Variants in PDE1C observed in about 807,000 individuals in gnomAD.
PDE1C encodes phosphodiesterase 1C, also known as dual specificity calcium/calmodulin-dependent 3',5'-cyclic nucleotide phosphodiesterase 1C.
PDE1C carries 62 observed loss-of-function variants against 93.1 expected under a neutral mutation model. That is an observed-to-expected ratio of 0.67 (90% confidence interval 0.54 to 0.82). PDE1C has a LOEUF of 0.82. Among genes scored for constraint, PDE1C ranks in the 40% least tolerant of loss-of-function variants. The probability of loss-of-function intolerance (pLI) is 0.00; values close to 1 mark genes in which losing one functional copy is unlikely to be tolerated. For synonymous variants in PDE1C, 325 were observed against 310.1 expected (o/e 1.05, Z -0.50); for missense variants, 742 against 884.6 (o/e 0.84, Z 2.04).
chr7:32,110,057 G>A (rs889960065), intron 3 of PDE1C, among the ~76,000 whole-genome samples: 1 of 152,098 alleles, frequency 6.6e-6, no homozygotes, highest in African/African-American at 2.4e-5. Flanking sequence ...AAGACCTCTA[G>A]CATTCCTCTA....
In PDE1C at chr7:31,753,166, G is replaced by A. The variant is rs761348442; in HGVS notation, c.*218C>T. On this transcript the variant is annotated 3_prime_UTR_variant, in exon 18 of 18. Coordinates refer to ENST00000396191, the MANE Select transcript of PDE1C (RefSeq NM_001191057.4). ...CCCCTCTTGCTAGTTTGTTGCTGGCGTCTGGGCTGATCCCACATACAGCAA... is the reference window on the plus strand; with the variant it reads ...CCCCTCTTGCTAGTTTGTTGCTGGCATCTGGGCTGATCCCACATACAGCAA... 49 of 406,494 alleles carry A rather than the reference G, an allele frequency of 1.2e-4. No individual in the cohort carries two copies. The highest frequency in any genetic ancestry group is 1.6e-4 in the African/African-American group (8 of 48,916). The allele number at this position is 406,494 out of a possible 1,614,324, so 25.2% of individuals were successfully genotyped here. A position where few individuals can be genotyped will look rare whatever the true frequency, so the allele number is the denominator to read the frequency against.
chr7:32,108,059 G>A (rs1422545471), intron 3 of PDE1C, among the ~76,000 whole-genome samples: 2 of 151,032 alleles, frequency 1.3e-5, no homozygotes, highest in Non-Finnish European at 3.0e-5. Flanking sequence ...TAAAACCAGA[G>A]AAGACAAAAA....
chr7:32,275,454 C>T (rs1811219105), intron 1 of PDE1C, among the ~76,000 whole-genome samples: 2 of 152,134 alleles, frequency 1.3e-5, no homozygotes, highest in Admixed American at 1.3e-4. Context: ...CTCTCCATGG[C>T]CTATACTTTG....
rs139652376 is a variant in PDE1C at position 31,883,527 on chromosome 7, C to T, written c.129-2667G>A. Among the ~76,000 whole-genome samples, 549 of 152,350 alleles carry T rather than the reference C, an allele frequency of 3.6e-3. 1 individual carries two copies. Among genetic ancestry groups the T allele is most frequent in the African/African-American group, 0.013 (527 of 41,584 alleles). ...TATTTCTCATACAAACACTTCCTCT[C>T]CCACTTTTACAAACTAAAAGCTAAT... On this transcript the variant is annotated intron_variant, in intron 2 of 17. Coordinates refer to ENST00000396191, the MANE Select transcript of PDE1C (RefSeq NM_001191057.4).
At chr7:31,888,203 T>C (rs548604631) in intron 2 of PDE1C, among the ~76,000 whole-genome samples, 5 of 138,920 alleles carry the variant, frequency 3.6e-5, no homozygotes, top group Admixed American at 1.6e-4. Context: ...TGAGCCGAGA[T>C]TGTGCCACTG....
exon 3 of PDE1C, chr7:32,169,868 A>G (rs1802537329): frequency 6.2e-7 from 1 of 1,612,672 alleles, no homozygotes; most frequent in Non-Finnish European, 8.5e-7. Context: ...GTCGAGGGTC[A>G]TGGACAATTG....
chr7:32,009,595 G>A (rs1394880941), intron 2 of PDE1C, among the ~76,000 whole-genome samples: 2 of 152,188 alleles, frequency 1.3e-5, no homozygotes, highest in African/African-American at 4.8e-5. Context: ...AAAGGTAAAA[G>A]ACTGAATGCT....
chr7:32,391,447 C>T (rs1464627326), intron 1 of PDE1C, among the ~76,000 whole-genome samples: 1 of 152,106 alleles, frequency 6.6e-6, no homozygotes, highest in Non-Finnish European at 1.5e-5. Flanking sequence ...AACAGCTAGA[C>T]AGAAAAGTCA....
intron 2 of PDE1C, among the ~76,000 whole-genome samples, chr7:31,951,289 T>C (rs1329838908): frequency 6.6e-6 from 1 of 152,006 alleles, no homozygotes; most frequent in Non-Finnish European, 1.5e-5. Context: ...CCTCCAGGAG[T>C]TTATCTATTA....
At chr7:31,675,468 C>T in the PDE1C span, among the ~76,000 whole-genome samples, 3 of 152,020 alleles carry the variant, frequency 2.0e-5, no homozygotes, top group Non-Finnish European at 2.9e-5. Context: ...CTGGCTTGCC[C>T]CAACATCCCC....
chr7:31,840,308 A>G (rs1791694604), intron 9 of PDE1C, among the ~76,000 whole-genome samples: 1 of 152,128 alleles, frequency 6.6e-6, no homozygotes, highest in Admixed American at 6.6e-5. Context: ...TTCTCATTTT[A>G]AAATTGAATT....
intron 1 of PDE1C, among the ~76,000 whole-genome samples, chr7:32,237,742 G>GTATATATATATATATATA (rs372356671): frequency 2.2e-3 from 68 of 31,190 alleles, no homozygotes; most frequent in African/African-American, 3.0e-3. Context: ...TTGGCTCTGT[G>GTATATATATATATATATA]TATATATATA....
chr7:32,290,725 T>G (rs1260939930), intron 1 of PDE1C, among the ~76,000 whole-genome samples: 3 of 152,032 alleles, frequency 2.0e-5, no homozygotes, highest in African/African-American at 7.2e-5. Flanking sequence ...CCATCACAAG[T>G]GACACAGTAA....
chr7:31,829,887 T>C (rs1389164623), intron 11 of PDE1C, among the ~76,000 whole-genome samples: 1 of 148,996 alleles, frequency 6.7e-6, no homozygotes, highest in East Asian at 2.0e-4. Context: ...GGTGGGATAG[T>C]TCAGCTAAAA....
intron 1 of PDE1C, among the ~76,000 whole-genome samples, chr7:32,378,130 C>A (rs988909219): frequency 6.6e-6 from 1 of 152,148 alleles, no homozygotes; most frequent in Non-Finnish European, 1.5e-5. Flanking sequence ...GGAGTCCTAC[C>A]AACTGGGTGC....
intron 2 of PDE1C, among the ~76,000 whole-genome samples, chr7:32,206,826 G>A (rs1459217161): frequency 6.6e-6 from 1 of 152,224 alleles, no homozygotes; most frequent in Non-Finnish European, 1.5e-5. Context: ...CTGCTGGTTG[G>A]AAGCTGGTGT....
intron 2 of PDE1C, among the ~76,000 whole-genome samples, chr7:31,980,004 C>G (rs958228400): frequency 6.6e-6 from 1 of 152,160 alleles, no homozygotes; most frequent in Non-Finnish European, 1.5e-5. Context: ...AGTAAATATT[C>G]CAGGAAAAGG....
At chr7:31,969,312 C>G (rs1399055971) in intron 2 of PDE1C, among the ~76,000 whole-genome samples, 2 of 152,070 alleles carry the variant, frequency 1.3e-5, no homozygotes, top group African/African-American at 4.8e-5. Flanking sequence ...ACAAACAACC[C>G]TATCAAAAAA....
intron 1 of PDE1C, among the ~76,000 whole-genome samples, chr7:32,228,767 A>C (rs1807476478): frequency 6.6e-6 from 1 of 152,168 alleles, no homozygotes; most frequent in Non-Finnish European, 1.5e-5. Flanking sequence ...ACCCATGTGG[A>C]GGACTCCCCA....
Sources: allele counts gnomAD v4.1 joint callset (sites outside exome capture counted in the v4.1 genomes callset), GRCh38; gene constraint gnomAD v4.1.1; transcripts MANE v1.5; gene names NCBI Gene and HGNC (gene_info 2026-07-23, HGNC 2026-07-21).